The following MAN1C1 variants were observed in gnomAD, a reference collection of about 807,000 sequenced individuals.
The protein encoded by MAN1C1 is mannosidase alpha class 1C member 1.
In MAN1C1, 49 loss-of-function variants were observed where a neutral mutation model predicts 71.5. The ratio of observed to expected loss-of-function variants is 0.69; its 90% CI spans 0.54 to 0.87. The LOEUF is 0.87. MAN1C1 is among the 40% of genes least tolerant of loss of function. The pLI, the probability that MAN1C1 is intolerant of heterozygous loss-of-function variation, is 0.00. For missense variants in MAN1C1, 743 were observed against 835.0 expected, an observed-to-expected ratio of 0.89 and a Z score of 1.36; for synonymous variants, 352 against 343.7, an observed-to-expected ratio of 1.02 and a Z score of -0.27.
At chr1:25,749,592 AAGC>A (rs1557791398) in intron 4 of MAN1C1, among the ~76,000 whole-genome samples, 1 of 151,980 alleles carries the variant, frequency 6.6e-6, no homozygotes, top group Non-Finnish European at 1.5e-5. Context: ...CTATCACACA[AAGC>A]AGCGGCAGCA....
chr1:25,751,509 A>AC (rs1294664537), intron 4 of MAN1C1, among the ~76,000 whole-genome samples: 5 of 152,208 alleles, frequency 3.3e-5, no homozygotes, highest in African/African-American at 1.2e-4. Flanking sequence ...GGACAGGAGC[A>AC]CCTGTGACTT....
At chr1:25,672,495 C>A (rs2046006149) in intron 1 of MAN1C1, among the ~76,000 whole-genome samples, 1 of 152,206 alleles carries the variant, frequency 6.6e-6, no homozygotes, top group African/African-American at 2.4e-5. Flanking sequence ...CTCTGCATTC[C>A]TTGGCTCATG....
At chr1:25,728,894 A>C (rs920721467) in intron 2 of MAN1C1, among the ~76,000 whole-genome samples, 1 of 152,174 alleles carries the variant, frequency 6.6e-6, no homozygotes, top group Non-Finnish European at 1.5e-5. Context: ...CCCTAGTGAG[A>C]GTTTGGTCAC....
At chr1:25,640,884 G>A (rs1411104908) in intron 1 of MAN1C1, among the ~76,000 whole-genome samples, 2 of 152,182 alleles carry the variant, frequency 1.3e-5, no homozygotes, top group African/African-American at 2.4e-5. Flanking sequence ...ATCGAGCCAA[G>A]GGAGACCAAC....
intron 7 of MAN1C1, among the ~76,000 whole-genome samples, chr1:25,767,283 A>G (rs1461862498): frequency 7.7e-6 from 1 of 129,758 alleles, no homozygotes; most frequent in Non-Finnish European, 1.6e-5. Context: ...TACACACTAC[A>G]TACACTCCTA....
At chr1:25,758,916 A>G in intron 6 of MAN1C1, 1 of 569,540 alleles carries the variant, frequency 1.8e-6, no homozygotes, top group Non-Finnish European at 3.2e-6. Flanking sequence ...CGCAGAGTCA[A>G]TAAGATTCTA....
chr1:25,668,790 C>G (rs1373818142), intron 1 of MAN1C1, among the ~76,000 whole-genome samples: 1 of 152,080 alleles, frequency 6.6e-6, no homozygotes, highest in African/African-American at 2.4e-5. Context: ...CATCTCCTGA[C>G]CTCGTGATCC....
chr1:25,757,202 A>G (rs2047297901), intron 5 of MAN1C1, among the ~76,000 whole-genome samples: 1 of 152,128 alleles, frequency 6.6e-6, no homozygotes, highest in Non-Finnish European at 1.5e-5. Context: ...AGTGACCTCC[A>G]CACCCCCACG....
At chr1:25,681,186 A>G (rs750648015) in intron 1 of MAN1C1, among the ~76,000 whole-genome samples, 1 of 151,634 alleles carries the variant, frequency 6.6e-6, no homozygotes, top group Non-Finnish European at 1.5e-5. Context: ...AGATCGCACC[A>G]TTGCACTCCA....
intron 2 of MAN1C1, among the ~76,000 whole-genome samples, chr1:25,724,313 A>G (rs1454828501): frequency 6.6e-6 from 1 of 152,164 alleles, no homozygotes; most frequent in East Asian, 1.9e-4. Context: ...GGCATGAGCC[A>G]TCACGCCTAG....
rs760774831 is a variant in MAN1C1, at chr1:25,765,368, G to A, written c.1141+1401G>A. On this transcript the variant is annotated intron_variant, in intron 7 of 11. Coordinates refer to ENST00000374332, the MANE Select transcript of MAN1C1 (RefSeq NM_020379.4). ...GCTGGAACTGGCAGTGACAGGTTCC[G>A]TGGGCACTGCCTCTAGGGCCTCCCA... Among the ~76,000 whole-genome samples, 32 of 152,260 alleles carry A rather than the reference G, an allele frequency of 2.1e-4. 2 individuals carry two copies. The highest frequency in any genetic ancestry group is 4.1e-4 in the Non-Finnish European group (28 of 68,014).
At chr1:25,731,488 C>T (rs1022223083) in intron 2 of MAN1C1, among the ~76,000 whole-genome samples, 2 of 152,194 alleles carry the variant, frequency 1.3e-5, no homozygotes, top group Admixed American at 6.5e-5. Context: ...CTGCATTTCA[C>T]AGAGGAGGAT....
At chr1:25,755,303 GC>G (rs1366882332) in intron 5 of MAN1C1, among the ~76,000 whole-genome samples, 5 of 152,170 alleles carry the variant, frequency 3.3e-5, no homozygotes, top group Non-Finnish European at 7.4e-5. Flanking sequence ...AGTGACGGTG[GC>G]CTGTGCAAGG....
chr1:25,762,936 A>G (rs1434055768), intron 6 of MAN1C1, among the ~76,000 whole-genome samples: 2 of 152,260 alleles, frequency 1.3e-5, no homozygotes, highest in East Asian at 3.9e-4. Flanking sequence ...ACCTAAAGCT[A>G]ACAAACGAGC....
chr1:25,734,041 C>T (rs369028061), intron 2 of MAN1C1, among the ~76,000 whole-genome samples: 26 of 151,926 alleles, frequency 1.7e-4, no homozygotes, highest in Middle Eastern at 3.4e-3. Context: ...CCTCGTGATC[C>T]GCCCACCTCG....
chr1:25,623,316 G>A (rs376125604), intron 1 of MAN1C1, among the ~76,000 whole-genome samples: 1 of 152,270 alleles, frequency 6.6e-6, no homozygotes, highest in African/African-American at 2.4e-5. Flanking sequence ...TGTACCATTT[G>A]AGGGAATTAG....
At chr1:25,643,948 A>G (rs776081447) in intron 1 of MAN1C1, among the ~76,000 whole-genome samples, 3 of 152,198 alleles carry the variant, frequency 2.0e-5, no homozygotes, top group African/African-American at 4.8e-5. Context: ...TCATGAAATA[A>G]TGTAGTTGAA....
chr1:25,668,162 A>G (rs868023504), intron 1 of MAN1C1, among the ~76,000 whole-genome samples: 1 of 152,308 alleles, frequency 6.6e-6, no homozygotes. Flanking sequence ...TTCTCAGGCT[A>G]TAAATGGGAA....
In MAN1C1 at chr1:25,782,184, C is replaced by T. The variant is rs186148483; in HGVS notation, c.1651-401C>T. The stretch of plus-strand genomic sequence containing the variant: ...CTGAGAATCCCTGGAGTACCAAGTC[C>T]GTCCCCAAATCCCAGCCCATGGCCA... On this transcript the variant is annotated intron_variant, in intron 10 of 11. Coordinates refer to ENST00000374332, the MANE Select transcript of MAN1C1 (RefSeq NM_020379.4). The surrounding 1 kb of genome is among the most constrained non-coding windows in gnomAD (Gnocchi z 4.4). Among the ~76,000 whole-genome samples the T allele has an allele frequency of 1.3e-3, 194 of 152,300 alleles. No individual in the cohort carries two copies. Among genetic ancestry groups the T allele is most frequent in the Non-Finnish European group, 2.2e-3 (150 of 68,016 alleles).
Sources: gnomAD v4.1 joint callset for allele counts (sites outside exome capture counted in the v4.1 genomes callset) on GRCh38, gnomAD v4.1.1 for gene constraint, Gnocchi (gnomAD v3.1) non-coding constraint, MANE v1.5 for transcripts, NCBI Gene and HGNC (gene_info 2026-07-23, HGNC 2026-07-21) for gene names.